The following EYA2 variants were observed in gnomAD, a reference collection of about 807,000 sequenced individuals.
EYA2 encodes EYA transcriptional coactivator and phosphatase 2.
Under a neutral mutation model 69.2 loss-of-function variants are expected in EYA2, and 31 were observed. That is an observed-to-expected ratio of 0.45 (90% CI 0.34 to 0.60). The LOEUF (loss-of-function observed/expected upper bound fraction) is 0.60. EYA2 is among the 20% of genes least tolerant of loss of function. The probability of loss-of-function intolerance (pLI) is 0.02; values close to 1 mark genes in which losing one functional copy is unlikely to be tolerated. For synonymous variants in EYA2, 257 were observed against 279.4 expected (o/e 0.92, Z 0.80); for missense variants, 622 against 701.2 (o/e 0.89, Z 1.28).
intron 1 of EYA2, among the ~76,000 whole-genome samples, chr20:46,945,799 C>T (rs1345673592): frequency 1.3e-5 from 2 of 152,224 alleles, no homozygotes; most frequent in African/African-American, 4.8e-5. Context: ...TGATTTTGTG[C>T]TTGGGTAAGC....
intron 1 of EYA2, among the ~76,000 whole-genome samples, chr20:46,916,057 T>A (rs996599189): frequency 3.9e-4 from 59 of 152,270 alleles, no homozygotes; most frequent in Admixed American, 1.4e-3. Flanking sequence ...GAGCAAAAAA[T>A]TTCTATGAAT....
chr20:46,923,299 AG>A (rs1211342747), intron 1 of EYA2, among the ~76,000 whole-genome samples: 1 of 152,218 alleles, frequency 6.6e-6, no homozygotes, highest in Non-Finnish European at 1.5e-5. Flanking sequence ...TGGGAGGCAG[AG>A]GTTGCAGTGA....
intron 3 of EYA2, among the ~76,000 whole-genome samples, chr20:47,001,835 A>G (rs6018222): frequency 0.016 from 2,312 of 141,056 alleles, 41 homozygotes; most frequent in African/African-American, 0.048. Context: ...CTGCTTTCCC[A>G]TGCATAGGGA....
At chr20:47,078,325 G>GTGCACACA (rs1555821907) in intron 7 of EYA2, among the ~76,000 whole-genome samples, 5 of 105,344 alleles carry the variant, frequency 4.7e-5, no homozygotes, top group Non-Finnish European at 9.4e-5. Context: ...ACGTGCGCGC[G>GTGCACACA]CGCGCGCACA....
rs751847852 is a variant in EYA2, at chr20:47,005,061, A to T, written c.275A>T (p.Gln92Leu). The T allele has an allele frequency of 6.2e-7, 1 of 1,613,670 alleles. No individual in the cohort carries two copies. The highest frequency in any genetic ancestry group is 1.3e-5 in the African/African-American group (1 of 74,884). The change falls in exon 4 of 16, where the codon CAA (glutamine) becomes CTA (leucine). Residue 92 changes from glutamine (Q) to leucine (L), a missense_variant. Physicochemically the swap from Gln to Leu is moderately radical, Grantham distance 113 (BLOSUM62 -2). This residue lies in a region of EYA2 where 365 missense variants were observed against 349.7 expected (regional missense o/e 1.04). Transcript: ENST00000327619. Reference protein sequence around the residue: ...TPYTAYPPPAQAYGIPSYSIK... With the variant: ...TPYTAYPPPALAYGIPSYSIK... The stretch of plus-strand genomic sequence containing the variant: ...TATACAGCTTACCCACCTCCAGCAC[A>T]AGCCTATGGAATCCCTTCCTACAGT...
intron 1 of EYA2, among the ~76,000 whole-genome samples, chr20:46,939,637 C>G (rs1029052347): frequency 2.1e-4 from 32 of 152,078 alleles, no homozygotes; most frequent in African/African-American, 7.5e-4. Context: ...TACTGTAAAT[C>G]CTTAACACAG....
intron 7 of EYA2, among the ~76,000 whole-genome samples, chr20:47,076,613 G>C (rs1291693518): frequency 6.6e-6 from 1 of 152,170 alleles, no homozygotes; most frequent in African/African-American, 2.4e-5. Context: ...GATTAGCCAA[G>C]ATTTTTTGGC....
chr20:47,004,882 A>T, intron 3 of EYA2, 60 bp from the exon 4 acceptor site: 1 of 1,613,318 alleles, frequency 6.2e-7, no homozygotes. Flanking sequence ...TGATATCAAG[A>T]TAAGGAAGAA....
chr20:47,138,577 CCT>C (rs1207763827), intron 9 of EYA2, among the ~76,000 whole-genome samples: 1 of 151,850 alleles, frequency 6.6e-6, no homozygotes, highest in Admixed American at 6.6e-5. Flanking sequence ...TGGTGAAACC[CCT>C]GTCTCTACAA....
chr20:47,179,980 C>CG, intron 13 of EYA2, 68 bp downstream of exon 13: 1 of 1,071,954 alleles, frequency 9.3e-7, no homozygotes, highest in Non-Finnish European at 1.4e-6. Context: ...GTGGCTCCTG[C>CG]ATGTCCACAC....
chr20:47,151,985 C>T (rs2033832227), intron 10 of EYA2, among the ~76,000 whole-genome samples: 1 of 151,940 alleles, frequency 6.6e-6, no homozygotes, highest in Non-Finnish European at 1.5e-5. Flanking sequence ...GTTTATGTGC[C>T]TTTGACTTTA....
chr20:47,088,649 G>A (rs919564116), intron 7 of EYA2, among the ~76,000 whole-genome samples: 9 of 152,088 alleles, frequency 5.9e-5, no homozygotes, highest in Non-Finnish European at 8.8e-5. Context: ...GTGCAGTGGC[G>A]CTATCATAGC....
At chr20:47,096,544 T>C (rs1331617873) in intron 8 of EYA2, among the ~76,000 whole-genome samples, 1 of 152,186 alleles carries the variant, frequency 6.6e-6, no homozygotes, top group African/African-American at 2.4e-5. Flanking sequence ...GGGACTCACA[T>C]ATGAGAAAAA....
intron 13 of EYA2, 79 bp from the exon 14 acceptor site, chr20:47,180,736 A>G: frequency 6.5e-7 from 1 of 1,546,890 alleles, no homozygotes; most frequent in Non-Finnish European, 8.8e-7. Flanking sequence ...TTTCCCGCCA[A>G]CTGCAGGCTC....
chr20:47,165,684 T>C (rs959928318), intron 10 of EYA2, among the ~76,000 whole-genome samples: 14 of 152,148 alleles, frequency 9.2e-5, no homozygotes, highest in African/African-American at 3.4e-4. Context: ...CCCATGTGTG[T>C]CAAGGACTCT....
At chr20:47,008,814 T>A (rs1045806074) in intron 4 of EYA2, among the ~76,000 whole-genome samples, 1 of 152,176 alleles carries the variant, frequency 6.6e-6, no homozygotes, top group Non-Finnish European at 1.5e-5. Flanking sequence ...TTCACATTCA[T>A]ACAATGGGAG....
At chr20:47,126,480 G>A (rs922190934) in intron 9 of EYA2, among the ~76,000 whole-genome samples, 1 of 152,196 alleles carries the variant, frequency 6.6e-6, no homozygotes, top group Non-Finnish European at 1.5e-5. Flanking sequence ...GCAGCCAGCT[G>A]TCTGGCTGCA....
At chr20:47,097,190 C>G in intron 9 of EYA2, 22 bp downstream of exon 9, 1 of 1,568,770 alleles carries the variant, frequency 6.4e-7, no homozygotes, top group Non-Finnish European at 8.7e-7. Context: ...TTTTGTCTCT[C>G]TCTCTCTTTT....
chr20:46,943,440 ATC>A (rs11469779), intron 1 of EYA2, among the ~76,000 whole-genome samples: 21,689 of 152,168 alleles, frequency 0.14, 1,832 homozygotes, highest in East Asian at 0.4. Flanking sequence ...GAGAAAATGT[ATC>A]TCTCTCCCAG....
Sources: allele counts gnomAD v4.1 joint callset (sites outside exome capture counted in the v4.1 genomes callset), GRCh38; gene constraint gnomAD v4.1.1; regional missense constraint gnomAD v4.1.1; transcripts MANE v1.5; gene names NCBI Gene and HGNC (gene_info 2026-07-23, HGNC 2026-07-21).